Variants in SPOCK3 observed in about 807,000 individuals in gnomAD.
SPOCK3 encodes testican-3.
In SPOCK3, 30 loss-of-function variants were observed where a neutral mutation model predicts 56.6. The observed-to-expected ratio is 0.53, with a 90% CI of 0.40 to 0.72. The LOEUF is 0.72. Among genes scored for constraint, SPOCK3 ranks in the 30% least tolerant of loss-of-function variants. The probability of loss-of-function intolerance (pLI) is 0.00; values close to 1 mark genes in which losing one functional copy is unlikely to be tolerated. For missense variants in SPOCK3, 527 were observed against 530.0 expected (o/e 0.99, Z 0.06); for synonymous variants, 196 against 183.3 (o/e 1.07, Z -0.56).
At chr4:166,933,319 A>G (rs913077741) in intron 4 of SPOCK3, among the ~76,000 whole-genome samples, 12 of 152,208 alleles carry the variant, frequency 7.9e-5, no homozygotes, top group Admixed American at 7.2e-4. Context: ...TACATAAACA[A>G]AGAAGGCCTT....
At chr4:167,019,713 G>A (rs2150159067) in intron 3 of SPOCK3, among the ~76,000 whole-genome samples, 1 of 152,092 alleles carries the variant, frequency 6.6e-6, no homozygotes, top group Non-Finnish European at 1.5e-5. Context: ...GTGTGTTAGG[G>A]ACTACTGAGC....
At chr4:167,215,247 G>C (rs1735243563) in intron 2 of SPOCK3, among the ~76,000 whole-genome samples, 1 of 151,976 alleles carries the variant, frequency 6.6e-6, no homozygotes. Flanking sequence ...TCCTATACTT[G>C]ATCTGCAAAG....
chr4:166,887,324 G>A (rs1734303690), intron 6 of SPOCK3, among the ~76,000 whole-genome samples: 2 of 152,124 alleles, frequency 1.3e-5, no homozygotes, highest in Non-Finnish European at 1.5e-5. Context: ...ATACATTAGA[G>A]ATATACACTT....
intron 6 of SPOCK3, among the ~76,000 whole-genome samples, chr4:166,886,137 T>G (rs1734179615): frequency 6.6e-6 from 1 of 152,168 alleles, no homozygotes; most frequent in African/African-American, 2.4e-5. Context: ...GGTCTATTCA[T>G]AGACCATGCT....
chr4:166,971,589 ATCT>A (rs1745392619), intron 4 of SPOCK3, among the ~76,000 whole-genome samples: 2 of 152,042 alleles, frequency 1.3e-5, no homozygotes, highest in African/African-American at 4.8e-5. Context: ...TTTCATCTTG[ATCT>A]TCTGTGAATA....
intron 6 of SPOCK3, among the ~76,000 whole-genome samples, chr4:166,855,189 C>T (rs1262914276): frequency 6.6e-6 from 1 of 152,114 alleles, no homozygotes; most frequent in Non-Finnish European, 1.5e-5. Context: ...AAAGTTTCCC[C>T]CTGACCCCCC....
chr4:167,113,168 G>A (rs17599814), intron 2 of SPOCK3, among the ~76,000 whole-genome samples: 13,216 of 152,106 alleles, frequency 0.087, 726 homozygotes, highest in South Asian at 0.17. Flanking sequence ...AGCCAGTTGA[G>A]CTTTTTTAAT....
intron 2 of SPOCK3, among the ~76,000 whole-genome samples, chr4:167,223,853 A>G (rs1030532665): frequency 4.6e-5 from 7 of 152,174 alleles, no homozygotes; most frequent in East Asian, 3.9e-4. Context: ...AGTGCTTGTT[A>G]TTATTATATT....
Position 166,812,299 on chromosome 4 carries a change from G to C in SPOCK3, c.590-20010C>G, listed in dbSNP as rs142304122. Among the ~76,000 whole-genome samples, 180 of 151,852 alleles carry C rather than the reference G, an allele frequency of 1.2e-3. 3 individuals are homozygous for C. In the East Asian group the frequency reaches 0.033, roughly 28 times the overall value. ...CCATTTAATATTTGACTTACTTTCA[G>C]CTAGGTCTTCAATATTCTAACAAAT... On this transcript the variant is annotated intron_variant, in intron 6 of 10. Coordinates refer to ENST00000357545, the MANE Select transcript of SPOCK3 (RefSeq NM_001040159.2).
intron 4 of SPOCK3, among the ~76,000 whole-genome samples, chr4:166,951,951 C>T (rs1255845059): frequency 1.3e-5 from 2 of 151,986 alleles, no homozygotes; most frequent in African/African-American, 4.8e-5. Flanking sequence ...TAAGAGCTAT[C>T]TATGACAAAC....
In SPOCK3 at chr4:167,119,750, T is replaced by C. The variant is rs999599738; in HGVS notation, c.190-57213A>G. The C allele has an allele frequency of 1.1e-5, 14 of 1,331,096 alleles. No individual in the cohort carries two copies. The African/African-American group carries it at 1.6e-4, about 15-fold the overall frequency. 82.5% of individuals were successfully genotyped at this position (1,331,096 alleles called of 1,614,324 possible). A position where few individuals can be genotyped will look rare whatever the true frequency, so the allele number is the denominator to read the frequency against. On this transcript the variant is annotated intron_variant, in intron 2 of 10. Transcript: ENST00000357545. Reference sequence around the variant, plus strand: ...GTCTATAACATAATGGGTACTCTGCTACCCACTATTTCACGTTAACATATA... The same window carrying C: ...GTCTATAACATAATGGGTACTCTGCCACCCACTATTTCACGTTAACATATA...
intron 4 of SPOCK3, among the ~76,000 whole-genome samples, chr4:166,960,742 C>T (rs766248898): frequency 6.6e-6 from 1 of 152,062 alleles, no homozygotes; most frequent in Non-Finnish European, 1.5e-5. Flanking sequence ...GAAGGATGCA[C>T]GAGAATATTT....
intron 4 of SPOCK3, among the ~76,000 whole-genome samples, chr4:166,950,786 C>G (rs1405199316): frequency 1.3e-5 from 2 of 149,942 alleles, no homozygotes; most frequent in African/African-American, 5.1e-5. Context: ...GAATCTCACT[C>G]AAAACCGCTC....
At chr4:166,949,428 G>C (rs1347683185) in intron 4 of SPOCK3, among the ~76,000 whole-genome samples, 1 of 152,042 alleles carries the variant, frequency 6.6e-6, no homozygotes, top group African/African-American at 2.4e-5. Context: ...GCTTTTTAGA[G>C]TTTCCAGTTT....
At chr4:166,997,714 C>T (rs958655061) in intron 4 of SPOCK3, among the ~76,000 whole-genome samples, 9 of 151,928 alleles carry the variant, frequency 5.9e-5, no homozygotes, top group South Asian at 2.1e-4. Flanking sequence ...CTGTAAGATG[C>T]GAAGGTTGAA....
chr4:166,897,101 A>G (rs1475343316), intron 5 of SPOCK3, among the ~76,000 whole-genome samples: 1 of 152,160 alleles, frequency 6.6e-6, no homozygotes, highest in Non-Finnish European at 1.5e-5. Flanking sequence ...CTATTTTATT[A>G]TATACTTCCA....
intron 4 of SPOCK3, among the ~76,000 whole-genome samples, chr4:166,947,610 A>G (rs12502105): frequency 0.58 from 87,747 of 151,936 alleles, 27,168 homozygotes; most frequent in East Asian, 0.85. Context: ...GAAAAACGTA[A>G]CAGTTTTTCC....
chr4:167,061,084 T>C (rs920843862), intron 3 of SPOCK3, among the ~76,000 whole-genome samples: 1 of 152,024 alleles, frequency 6.6e-6, no homozygotes, highest in African/African-American at 2.4e-5. Context: ...CATTAATTGT[T>C]TGGAAGACTC....
intron 6 of SPOCK3, among the ~76,000 whole-genome samples, chr4:166,812,646 T>C (rs1177711467): frequency 6.6e-6 from 1 of 152,020 alleles, no homozygotes; most frequent in Non-Finnish European, 1.5e-5. Flanking sequence ...TTTATATTTG[T>C]ATTAGTTCAA....
Sources: allele counts gnomAD v4.1 joint callset (sites outside exome capture counted in the v4.1 genomes callset), GRCh38; gene constraint gnomAD v4.1.1; transcripts MANE v1.5; gene names NCBI Gene and HGNC (gene_info 2026-07-23, HGNC 2026-07-21).